TTLL11: variants seen among roughly 807,000 people sequenced by gnomAD.
The protein encoded by TTLL11 is tubulin tyrosine ligase like 11.
In TTLL11, 42 loss-of-function variants were observed where a neutral mutation model predicts 51.7. The observed-to-expected ratio is 0.81, with a 90% CI of 0.64 to 1.05. The LOEUF (loss-of-function observed/expected upper bound fraction) is 1.05. TTLL11 is among the 50% of genes least tolerant of loss of function. TTLL11 has a pLI of 0.00. For missense variants in TTLL11, 799 were observed against 940.4 expected (o/e 0.85, Z 1.97); for synonymous variants, 381 against 383.5 (o/e 0.99, Z 0.08).
intron 6 of TTLL11, chr9:121,885,630 G>A (rs1396885248): frequency 6.6e-6 from 1 of 152,212 alleles, no homozygotes; most frequent in East Asian, 1.9e-4. Flanking sequence ...GCTTAGAAGT[G>A]GCAAAGCCGG....
chr9:122,082,501 C>CAA (rs35349693), intron 1 of TTLL11, among the ~76,000 whole-genome samples: 4,057 of 84,296 alleles, frequency 0.048, 181 homozygotes, highest in South Asian at 0.068. Flanking sequence ...GACTCTGTCT[C>CAA]AAAAAAAAAA....
At chr9:121,934,450 A>G in intron 6 of TTLL11, among the ~76,000 whole-genome samples, 1 of 152,222 alleles carries the variant, frequency 6.6e-6, no homozygotes, top group East Asian at 1.9e-4. Flanking sequence ...GTCTTTAAAT[A>G]TCGTGAAGCT....
At chr9:121,904,179 CTTTTT>C in intron 6 of TTLL11, among the ~76,000 whole-genome samples, 1 of 142,654 alleles carries the variant, frequency 7.0e-6, no homozygotes, top group South Asian at 2.2e-4. Flanking sequence ...TTGATACATT[CTTTTT>C]TTTTTTTTTT....
chr9:121,961,261 C>G (rs4837928), intron 6 of TTLL11, among the ~76,000 whole-genome samples: 36,875 of 151,934 alleles, frequency 0.24, 4,756 homozygotes, highest in Middle Eastern at 0.3. Context: ...ACCCTTTCAG[C>G]TTACACATAT....
At chr9:121,913,558 T>C (rs1279400919) in intron 6 of TTLL11, among the ~76,000 whole-genome samples, 1 of 152,240 alleles carries the variant, frequency 6.6e-6, no homozygotes, top group Non-Finnish European at 1.5e-5. Flanking sequence ...CTTTCATACC[T>C]GGTGATTAAG....
chr9:121,842,625 A>G (rs1837393266), intron 8 of TTLL11, among the ~76,000 whole-genome samples: 2 of 152,218 alleles, frequency 1.3e-5, no homozygotes, highest in Admixed American at 1.3e-4. Context: ...AATATGTAGG[A>G]AATGTTACCC....
At chr9:121,834,557 G>A (rs969173456) in intron 8 of TTLL11, among the ~76,000 whole-genome samples, 6 of 150,606 alleles carry the variant, frequency 4.0e-5, no homozygotes, top group African/African-American at 1.2e-4. Context: ...GGCCAGGCGC[G>A]GTGGCTCACG....
chr9:121,987,751 T>C (rs1432866442), intron 4 of TTLL11, among the ~76,000 whole-genome samples: 1 of 152,126 alleles, frequency 6.6e-6, no homozygotes. Context: ...CACTGCTTCT[T>C]GGCCTCCTTT....
chr9:122,073,595 C>A (rs1057015601), intron 1 of TTLL11, among the ~76,000 whole-genome samples: 1 of 151,974 alleles, frequency 6.6e-6, no homozygotes, highest in African/African-American at 2.4e-5. Flanking sequence ...TAAGCTGAGA[C>A]CTGAAGACAG....
intron 3 of TTLL11, among the ~76,000 whole-genome samples, chr9:121,997,124 G>A (rs530952543): frequency 1.0e-3 from 152 of 152,234 alleles, no homozygotes; most frequent in African/African-American, 3.6e-3. Context: ...CAACTTAATG[G>A]ACCCTGCTTT....
chr9:121,907,248 G>A (rs2131491184), intron 6 of TTLL11, among the ~76,000 whole-genome samples: 1 of 152,098 alleles, frequency 6.6e-6, no homozygotes. Context: ...TCAGGGGTTC[G>A]AGACCAGCCT....
At chr9:121,950,962 C>T (rs922528562) in intron 6 of TTLL11, among the ~76,000 whole-genome samples, 1 of 152,156 alleles carries the variant, frequency 6.6e-6, no homozygotes, top group Non-Finnish European at 1.5e-5. Context: ...ATGATGATGA[C>T]GAGGGGACAA....
intron 2 of TTLL11, among the ~76,000 whole-genome samples, chr9:122,036,929 G>A (rs1453029570): frequency 2.6e-5 from 4 of 152,156 alleles, no homozygotes; most frequent in Non-Finnish European, 5.9e-5. Flanking sequence ...ATTAATTTCT[G>A]TTAATAATGT....
intron 6 of TTLL11, among the ~76,000 whole-genome samples, chr9:121,878,487 C>G (rs1036903165): frequency 3.3e-5 from 5 of 152,212 alleles, no homozygotes; most frequent in African/African-American, 1.2e-4. Flanking sequence ...GACTAGGTCT[C>G]TCCCTGCCTG....
chr9:121,826,367 A>G (rs1836772934), intron 8 of TTLL11, among the ~76,000 whole-genome samples: 1 of 136,154 alleles, frequency 7.3e-6, no homozygotes. Flanking sequence ...TAAAACCCAT[A>G]TATATATGAG....
intron 6 of TTLL11, among the ~76,000 whole-genome samples, chr9:121,912,804 A>G (rs1840186196): frequency 6.6e-6 from 1 of 151,568 alleles, no homozygotes; most frequent in Non-Finnish European, 1.5e-5. Context: ...TAAGTGTGTG[A>G]TCTCTAAGCC....
At chr9:121,872,457 A>C (rs1386870475) in intron 6 of TTLL11, among the ~76,000 whole-genome samples, 1 of 152,272 alleles carries the variant, frequency 6.6e-6, no homozygotes, top group Non-Finnish European at 1.5e-5. Context: ...GACCTGAAAC[A>C]TACTTGGTGT....
intron 6 of TTLL11, among the ~76,000 whole-genome samples, chr9:121,878,479 C>G (rs911661989): frequency 6.6e-6 from 1 of 152,336 alleles, no homozygotes; most frequent in East Asian, 1.9e-4. Context: ...CAACAGCAGA[C>G]TAGGTCTCTC....
chr9:122,070,366 C>G (rs1379561605), intron 1 of TTLL11, among the ~76,000 whole-genome samples: 1 of 152,060 alleles, frequency 6.6e-6, no homozygotes. Flanking sequence ...GGGGCAGTGG[C>G]AAGCCTGGCA....
Sources: gnomAD v4.1 joint callset for allele counts (sites outside exome capture counted in the v4.1 genomes callset) on GRCh38, gnomAD v4.1.1 for gene constraint, MANE v1.5 for transcripts, NCBI Gene and HGNC (gene_info 2026-07-23, HGNC 2026-07-21) for gene names.